EDARADD: variants seen among roughly 807,000 people sequenced by gnomAD.
The protein encoded by EDARADD is ectodysplasin-A receptor-associated adapter protein.
EDARADD carries 20 observed loss-of-function variants against 25.6 expected under a neutral mutation model. The ratio of observed to expected loss-of-function variants is 0.78; its 90% CI spans 0.55 to 1.14. The LOEUF is 1.14. EDARADD is among the 50% of genes most tolerant of loss of function. The pLI is 0.00. For missense variants in EDARADD, 225 were observed against 270.1 expected (o/e 0.83, Z 1.17); for synonymous variants, 86 against 94.4 (o/e 0.91, Z 0.52).
intron 4 of EDARADD, among the ~76,000 whole-genome samples, chr1:236,444,532 C>G (rs1452438074): frequency 2.6e-5 from 4 of 152,150 alleles, no homozygotes; most frequent in African/African-American, 9.7e-5. Context: ...AGCGATTCTC[C>G]TGCCTCAGCC....
At chr1:236,413,458 G>C (rs985632544) in intron 2 of EDARADD, among the ~76,000 whole-genome samples, 1 of 152,128 alleles carries the variant, frequency 6.6e-6, no homozygotes, top group Non-Finnish European at 1.5e-5. Flanking sequence ...GAGAGCTACA[G>C]GAAATTGTTC....
chr1:236,364,035 A>G, intron 3 of EDARADD, among the ~76,000 whole-genome samples: 1 of 131,584 alleles, frequency 7.6e-6, no homozygotes, highest in East Asian at 2.3e-4. Flanking sequence ...ATGCACCTGT[A>G]ATTCCAGTTA....
At chr1:236,389,852 TA>T, upstream of EDARADD, among the ~76,000 whole-genome samples, 1 of 151,634 alleles carries the variant, frequency 6.6e-6, no homozygotes, top group Non-Finnish European at 1.5e-5. Context: ...AAAATAAAAA[TA>T]AAAAAATTGG....
intron 4 of EDARADD, among the ~76,000 whole-genome samples, chr1:236,466,055 T>C (rs1659176982): frequency 6.6e-6 from 1 of 152,168 alleles, no homozygotes; most frequent in South Asian, 2.1e-4. Flanking sequence ...GTCAGGTTCA[T>C]GTTTTAGCAG....
intron 3 of EDARADD, among the ~76,000 whole-genome samples, chr1:236,374,783 G>A (rs1430949197): frequency 6.6e-6 from 1 of 151,476 alleles, no homozygotes; most frequent in Non-Finnish European, 1.5e-5. Context: ...TACATTTAAT[G>A]TATATGTGCC....
At chr1:236,447,199 T>TC (rs1401852528) in intron 4 of EDARADD, among the ~76,000 whole-genome samples, 6 of 68,050 alleles carry the variant, frequency 8.8e-5, no homozygotes, top group African/African-American at 3.4e-4. Flanking sequence ...TTTCTTTCTT[T>TC]CTTTCTTTCT....
At chr1:236,464,801 C>G (rs1366730163) in intron 4 of EDARADD, among the ~76,000 whole-genome samples, 2 of 152,140 alleles carry the variant, frequency 1.3e-5, no homozygotes, top group East Asian at 3.9e-4. Context: ...TCTCTGCTGT[C>G]CTTTCGTTCC....
intron 3 of EDARADD, among the ~76,000 whole-genome samples, chr1:236,370,481 G>A (rs1451167140): frequency 1.3e-5 from 2 of 152,124 alleles, no homozygotes; most frequent in African/African-American, 4.8e-5. Context: ...CTGGCTGTGT[G>A]GGAGACCAGA....
At chr1:236,354,437 C>A (rs538688747) in intron 3 of EDARADD, among the ~76,000 whole-genome samples, 2 of 152,302 alleles carry the variant, frequency 1.3e-5, no homozygotes, top group East Asian at 3.9e-4. Context: ...ATGATGATAA[C>A]ATCTGTGATC....
chr1:236,445,231 A>ATTTTTTTTTTTTT (rs1415805260), intron 4 of EDARADD, among the ~76,000 whole-genome samples: 1 of 47,298 alleles, frequency 2.1e-5, no homozygotes, highest in African/African-American at 5.4e-5. Context: ...GACATAATAA[A>ATTTTTTTTTTTTT]TTCTTTTTTT....
chr1:236,372,049 C>A (rs576021208), intron 3 of EDARADD, among the ~76,000 whole-genome samples: 1 of 151,982 alleles, frequency 6.6e-6, no homozygotes, highest in Non-Finnish European at 1.5e-5. Context: ...CTCTGACTCC[C>A]GGGTTCAAGC....
chr1:236,464,332 C>G (rs759413225), intron 4 of EDARADD, among the ~76,000 whole-genome samples: 15 of 151,298 alleles, frequency 9.9e-5, no homozygotes, highest in Non-Finnish European at 1.8e-4. Context: ...TCACTGCAAC[C>G]TTGAACTCCT....
At chr1:236,411,937 T>C (rs1657498495) in intron 2 of EDARADD, among the ~76,000 whole-genome samples, 1 of 152,186 alleles carries the variant, frequency 6.6e-6, no homozygotes, top group South Asian at 2.1e-4. Flanking sequence ...ACAACTACCC[T>C]ATTTCCAAAT....
At chr1:236,480,516 G>A (rs1401112200) in intron 5 of EDARADD, among the ~76,000 whole-genome samples, 2 of 151,928 alleles carry the variant, frequency 1.3e-5, no homozygotes, top group Non-Finnish European at 1.5e-5. Flanking sequence ...AATATTGCTG[G>A]TTTGCTCCCT....
At chr1:236,447,623 C>T (rs1277778007) in intron 4 of EDARADD, among the ~76,000 whole-genome samples, 1 of 152,098 alleles carries the variant, frequency 6.6e-6, no homozygotes, top group African/African-American at 2.4e-5. Flanking sequence ...GGTCAGCAAG[C>T]TTCAAGTGGC....
At chr1:236,443,605 C>T (rs1323570952) in intron 4 of EDARADD, among the ~76,000 whole-genome samples, 2 of 152,294 alleles carry the variant, frequency 1.3e-5, no homozygotes, top group East Asian at 3.9e-4. Context: ...GGCTGGATTT[C>T]TGCAGTGTGA....
At chr1:236,381,947 G>C (rs756948714) in intron 3 of EDARADD, among the ~76,000 whole-genome samples, 8 of 151,396 alleles carry the variant, frequency 5.3e-5, no homozygotes, top group Non-Finnish European at 1.0e-4. Context: ...ACCTGGCTTA[G>C]TCTGTTAAAA....
At position 236,460,330 on chromosome 1, in the gene EDARADD, G is replaced by A. The variant is rs529146715; in HGVS notation, c.220-7901G>A. On this transcript the variant is annotated intron_variant, in intron 4 of 5. Coordinates refer to ENST00000334232, the MANE Select transcript of EDARADD (RefSeq NM_145861.4). The stretch of plus-strand genomic sequence containing the variant: ...CTCCCACATAGCTAGGACTACAGGC[G>A]CTCACCACAACACCTCATTTTTGTA... 5.3e-5 allele frequency among the ~76,000 whole-genome samples: 8 copies of A among 151,508 alleles called. No individual in the cohort carries two copies. The South Asian group carries it at 1.0e-3, about 20-fold the overall frequency.
At position 236,398,053 on chromosome 1, in the gene EDARADD, T is replaced by C. The variant is rs1285055655; in HGVS notation, c.61+3548T>C. On this transcript the variant is annotated intron_variant, in intron 1 of 5. Transcript: ENST00000334232. The surrounding 1 kb of genome is among the most constrained non-coding windows in gnomAD (Gnocchi z 4.1). ...TGTTTTCACACCATTCCAACGTAGGTTTTCACACCCACTCTTGCCTTCTGG... is the reference window on the plus strand; with the variant it reads ...TGTTTTCACACCATTCCAACGTAGGCTTTCACACCCACTCTTGCCTTCTGG... Among the ~76,000 whole-genome samples, 1 of 152,140 alleles carries C rather than the reference T, an allele frequency of 6.6e-6. No individual in the cohort carries two copies. Among genetic ancestry groups the C allele is most frequent in the Non-Finnish European group, 1.5e-5 (1 of 68,022 alleles).
Sources: gnomAD v4.1 joint callset for allele counts (sites outside exome capture counted in the v4.1 genomes callset) on GRCh38, gnomAD v4.1.1 for gene constraint, Gnocchi (gnomAD v3.1) non-coding constraint, MANE v1.5 for transcripts, NCBI Gene and HGNC (gene_info 2026-07-23, HGNC 2026-07-21) for gene names.